Variants in EREG observed in about 807,000 individuals in gnomAD.
The protein encoded by EREG is epiregulin.
EREG carries 23 observed loss-of-function variants against 22.4 expected under a neutral mutation model. That is an observed-to-expected ratio of 1.03 (90% CI 0.74 to 1.46). The LOEUF is 1.46. Among genes scored for constraint, EREG ranks in the 40% most tolerant of loss-of-function variants. EREG has a pLI of 0.00. For synonymous variants in EREG, 100 were observed against 75.4 expected (o/e 1.33, Z -1.69); for missense variants, 226 against 205.9 (o/e 1.10, Z -0.60).
At chr4:74,373,978 CT>C (rs1303349123) in intron 1 of EREG, among the ~76,000 whole-genome samples, 2 of 152,000 alleles carry the variant, frequency 1.3e-5, no homozygotes, top group Non-Finnish European at 2.9e-5. Flanking sequence ...TCCAACAAGC[CT>C]ATTACGTTAT....
In EREG at chr4:74,381,129, CT is replaced by C; in HGVS notation, c.271del (p.Tyr91ThrfsTer18). 6.2e-7 allele frequency: 1 copy of C among 1,611,038 alleles called. No individual in the cohort carries two copies. Among genetic ancestry groups the C allele is most frequent in the South Asian group, 1.1e-5 (1 of 90,136 alleles). ...TCTATCTGGTGGACATGAGTCAAAA[CT>C]ACTGCAGGTAATATGTCAGAAATAA... ...CIYLVDMSQN[Y>X]CRCEVGYTGV... On this transcript the variant is annotated frameshift_variant, in exon 3 of 5. Transcript: ENST00000244869. LOFTEE classifies it high-confidence loss of function.
At position 74,386,032 on chromosome 4, in the gene EREG, C is replaced by G. The variant is rs1043409807; in HGVS notation, c.*1224C>G. The G allele has an allele frequency of 1.3e-4, 46 of 367,190 alleles. No individual in the cohort carries two copies. The highest frequency in any genetic ancestry group is 2.0e-4 in the Non-Finnish European group (41 of 205,992). 22.7% of individuals were successfully genotyped at this position (367,190 alleles called of 1,614,324 possible). ...GGAGGCTGAGATGAAAACTAGGGCT[C>G]ATTTTCCTGACATTTGTTTATTTTT... On this transcript the variant is annotated 3_prime_UTR_variant, in exon 5 of 5. Transcript: ENST00000244869.
In EREG at chr4:74,387,256, A is replaced by G. The variant is rs1474478555; in HGVS notation, c.*2448A>G. The G allele has an allele frequency of 6.6e-6, 1 of 152,076 alleles. No individual in the cohort carries two copies. Among genetic ancestry groups the G allele is most frequent in the Non-Finnish European group, 1.5e-5 (1 of 68,004 alleles). 9.4% of individuals were successfully genotyped at this position (152,076 alleles called of 1,614,324 possible). On this transcript the variant is annotated 3_prime_UTR_variant, in exon 5 of 5. Transcript: ENST00000244869. ...GGGAATCAGTCCCCTGTGGATACCA[A>G]GGTACAACTGTATTTATTAACGCTT... is the stretch of plus-strand genomic sequence containing the variant.
intron 4 of EREG, 131 bp from the exon 5 acceptor site, chr4:74,384,596 C>G: frequency 4.6e-6 from 2 of 431,596 alleles, no homozygotes; most frequent in Non-Finnish European, 8.5e-6. Context: ...TTAACATTGT[C>G]CAACCTAAAT....
Position 74,387,103 on chromosome 4 carries a change from T to G in EREG, c.*2295T>G, listed in dbSNP as rs1281453897. The G allele has an allele frequency of 6.6e-6, 1 of 152,190 alleles. No homozygotes were observed. Among genetic ancestry groups the G allele is most frequent in the Non-Finnish European group, 1.5e-5 (1 of 68,046 alleles). The allele number at this position is 152,190 out of a possible 1,614,324, so 9.4% of individuals were successfully genotyped here. A position where few individuals can be genotyped will look rare whatever the true frequency, so the allele number is the denominator to read the frequency against. On this transcript the variant is annotated 3_prime_UTR_variant, in exon 5 of 5. Coordinates refer to ENST00000244869, the MANE Select transcript of EREG (RefSeq NM_001432.3). ...CGCACGTAGCATTTACATTAGGTAT[T>G]ACAAGTAATGTAAAGATGATTTAAG...
intron 4 of EREG, among the ~76,000 whole-genome samples, 180 bp from the exon 5 acceptor site, chr4:74,384,547 C>T (rs1029509962): frequency 6.7e-6 from 1 of 150,080 alleles, no homozygotes; most frequent in African/African-American, 2.5e-5. Context: ...TGTTTGACTA[C>T]AGCACATCAC....
intron 1 of EREG, among the ~76,000 whole-genome samples, chr4:74,376,025 T>G (rs1752377289): frequency 6.6e-6 from 1 of 152,192 alleles, no homozygotes; most frequent in African/African-American, 2.4e-5. Flanking sequence ...CCAGTCTTTG[T>G]GGAGGCACAC....
intron 1 of EREG, among the ~76,000 whole-genome samples, chr4:74,372,151 G>T (rs116477508): frequency 0.014 from 2,104 of 152,218 alleles, 32 homozygotes; most frequent in East Asian, 0.072. Context: ...TCATGCTATG[G>T]AGGCATATGT....
chr4:74,379,596 C>A, intron 2 of EREG, 62 bp downstream of exon 2: 2 of 967,884 alleles, frequency 2.1e-6, no homozygotes, highest in Non-Finnish European at 3.3e-6. Flanking sequence ...GAAATATAAA[C>A]TCAAAGACTA....
chr4:74,377,847 G>A (rs4694682), intron 1 of EREG, among the ~76,000 whole-genome samples: 1 of 151,540 alleles, frequency 6.6e-6, no homozygotes, highest in Non-Finnish European at 1.5e-5. Context: ...GAAACTACCC[G>A]CATTGATTCA....
chr4:74,371,732 G>T (rs560345933), intron 1 of EREG, among the ~76,000 whole-genome samples: 9 of 151,994 alleles, frequency 5.9e-5, no homozygotes, highest in Non-Finnish European at 1.3e-4. Context: ...AATATAAATA[G>T]GTAATACCTA....
chr4:74,371,202 T>C (rs933268343), intron 1 of EREG, among the ~76,000 whole-genome samples: 2 of 152,218 alleles, frequency 1.3e-5, no homozygotes, highest in Non-Finnish European at 2.9e-5. Context: ...ATATACTTTT[T>C]TTTAATTGCT....
intron 1 of EREG, among the ~76,000 whole-genome samples, chr4:74,368,828 A>T (rs1435069871): frequency 6.6e-6 from 1 of 152,148 alleles, no homozygotes; most frequent in African/African-American, 2.4e-5. Flanking sequence ...CAATGAGAAC[A>T]CTTCCCAGTG....
intron 1 of EREG, among the ~76,000 whole-genome samples, chr4:74,365,827 G>T (rs993284203): frequency 2.0e-5 from 3 of 152,116 alleles, no homozygotes; most frequent in Non-Finnish European, 4.4e-5. Flanking sequence ...TCTGTCTTGC[G>T]CTCAGTTTTC....
At chr4:74,370,071 G>A (rs536918737) in intron 1 of EREG, among the ~76,000 whole-genome samples, 4 of 152,252 alleles carry the variant, frequency 2.6e-5, no homozygotes, top group African/African-American at 7.2e-5. Context: ...GTTTGAATAC[G>A]CTTGTATCCT....
chr4:74,380,770 T>C (rs1331687168), intron 2 of EREG, among the ~76,000 whole-genome samples: 1 of 152,226 alleles, frequency 6.6e-6, no homozygotes, highest in Non-Finnish European at 1.5e-5. Flanking sequence ...CTTTTGAGAA[T>C]GAAATCCTTT....
intron 1 of EREG, among the ~76,000 whole-genome samples, chr4:74,377,713 G>T (rs1021355255): frequency 6.6e-6 from 1 of 152,354 alleles, no homozygotes; most frequent in Middle Eastern, 3.4e-3. Flanking sequence ...CGAAGGCGAA[G>T]GGGAAGCAAG....
chr4:74,384,056 C>A (rs1219373819), intron 4 of EREG, among the ~76,000 whole-genome samples: 4 of 151,966 alleles, frequency 2.6e-5, no homozygotes, highest in Admixed American at 6.6e-5. Context: ...AAAATAAACT[C>A]AAAAATATTA....
chr4:74,379,009 C>T (rs1752430101), intron 1 of EREG, among the ~76,000 whole-genome samples: 2 of 152,046 alleles, frequency 1.3e-5, no homozygotes, highest in African/African-American at 4.8e-5. Context: ...ATGAATGTTT[C>T]TTAGGTTGAG....
Sources: gnomAD v4.1 joint callset for allele counts (sites outside exome capture counted in the v4.1 genomes callset) on GRCh38, gnomAD v4.1.1 for gene constraint, MANE v1.5 for transcripts, NCBI Gene and HGNC (gene_info 2026-07-23, HGNC 2026-07-21) for gene names.